The following AUTS2 variants were observed in gnomAD, a reference collection of about 807,000 sequenced individuals.
The protein encoded by AUTS2 is autism susceptibility gene 2 protein.
Under a neutral mutation model 112.4 loss-of-function variants are expected in AUTS2, and 17 were observed. That is an observed-to-expected ratio of 0.15 (90% CI 0.10 to 0.23). AUTS2 has a LOEUF of 0.23. Ranked by LOEUF, AUTS2 falls within the 10% of genes least tolerant of loss-of-function variation. The pLI is 1.00. For missense variants in AUTS2, 1,510 were observed against 1,701.6 expected, an observed-to-expected ratio of 0.89 and a Z score of 1.98; for synonymous variants, 751 against 702.7, an observed-to-expected ratio of 1.07 and a Z score of -1.09.
chr7:70,689,156 A>G (rs373617605), intron 5 of AUTS2, among the ~76,000 whole-genome samples: 1 of 152,196 alleles, frequency 6.6e-6, no homozygotes, highest in East Asian at 1.9e-4. Context: ...CACGAGTTCA[A>G]GACCAGCCTG....
intron 2 of AUTS2, among the ~76,000 whole-genome samples, chr7:69,937,613 C>T (rs1482354511): frequency 6.6e-6 from 1 of 152,176 alleles, no homozygotes; most frequent in African/African-American, 2.4e-5. Context: ...TGGACCTCTT[C>T]CACACTGAGA....
intron 5 of AUTS2, among the ~76,000 whole-genome samples, chr7:70,638,014 T>C (rs1805613708): frequency 6.6e-6 from 1 of 152,152 alleles, no homozygotes; most frequent in African/African-American, 2.4e-5. Flanking sequence ...TCTTGTAACC[T>C]GTATTCCTTC....
intron 1 of AUTS2, among the ~76,000 whole-genome samples, chr7:69,774,285 A>C (rs1245325489): frequency 6.6e-6 from 1 of 152,206 alleles, no homozygotes; most frequent in Non-Finnish European, 1.5e-5. Context: ...CTGTAGTCCC[A>C]GCTACTCAGG....
chr7:70,441,366 T>A (rs1796116399), intron 5 of AUTS2, among the ~76,000 whole-genome samples: 1 of 152,146 alleles, frequency 6.6e-6, no homozygotes, highest in Admixed American at 6.5e-5. Context: ...GCTTTCCCTC[T>A]TTCCACACAC....
At chr7:69,779,445 A>G (rs2129311283) in intron 1 of AUTS2, among the ~76,000 whole-genome samples, 1 of 152,242 alleles carries the variant, frequency 6.6e-6, no homozygotes, top group South Asian at 2.1e-4. Context: ...GTTATGTTCA[A>G]AATAAAGGAG....
intron 5 of AUTS2, among the ~76,000 whole-genome samples, chr7:70,683,619 C>T (rs1808315190): frequency 6.6e-6 from 1 of 152,216 alleles, no homozygotes; most frequent in Admixed American, 6.5e-5. Context: ...TCAAGAAAAG[C>T]TGTAGTTTGG....
chr7:70,524,390 A>G (rs972858036), intron 5 of AUTS2, among the ~76,000 whole-genome samples: 1 of 152,190 alleles, frequency 6.6e-6, no homozygotes. Context: ...AAATAATAAA[A>G]TGAAGGTGGC....
In AUTS2 at chr7:70,431,131, C is replaced by T. The variant is rs540068333; in HGVS notation, c.661-4621C>T. Reference sequence around the variant, plus strand: ...GTATTACAGGCGTGAGCCACCGCGCCCGGCCGTGTCGCCATTTTTTAAAGT... The same window carrying T: ...GTATTACAGGCGTGAGCCACCGCGCTCGGCCGTGTCGCCATTTTTTAAAGT... On this transcript the variant is annotated intron_variant, in intron 4 of 18. Transcript: ENST00000342771. 3.3e-5 allele frequency among the ~76,000 whole-genome samples: 5 copies of T among 152,196 alleles called. No individual in the cohort carries two copies. In the South Asian group the frequency reaches 1.0e-3, roughly 32 times the overall value.
Position 70,220,580 on chromosome 7 carries a change from A to G in AUTS2, c.660+86009A>G, listed in dbSNP as rs190363797. 5.1e-4 allele frequency among the ~76,000 whole-genome samples: 77 copies of G among 152,292 alleles called. 2 individuals carry two copies. Among genetic ancestry groups the G allele is most frequent in the Middle Eastern group, 3.4e-3 (1 of 294 alleles). ...TGCTTTACAAGTTTAAGAGAGAGGG[A>G]AGTCACTTCAGCTGATTTAGGTGAT... On this transcript the variant is annotated intron_variant, in intron 4 of 18. Transcript: ENST00000342771.
intron 4 of AUTS2, among the ~76,000 whole-genome samples, chr7:70,142,266 G>T (rs1213621990): frequency 6.6e-6 from 1 of 152,158 alleles, no homozygotes; most frequent in South Asian, 2.1e-4. Flanking sequence ...GGGAAAAAAT[G>T]ATTTTGGAGA....
intron 5 of AUTS2, among the ~76,000 whole-genome samples, chr7:70,598,886 T>G (rs1224144061): frequency 6.6e-6 from 1 of 152,068 alleles, no homozygotes; most frequent in East Asian, 1.9e-4. Context: ...CCCAGTAAAT[T>G]AGGAACAGAT....
At chr7:69,929,957 G>A (rs1796167225) in intron 2 of AUTS2, among the ~76,000 whole-genome samples, 1 of 152,172 alleles carries the variant, frequency 6.6e-6, no homozygotes, top group African/African-American at 2.4e-5. Flanking sequence ...GTCGCCTTGA[G>A]CTTTGTTCTG....
At chr7:70,039,425 C>T (rs1033449239) in intron 2 of AUTS2, among the ~76,000 whole-genome samples, 10 of 152,052 alleles carry the variant, frequency 6.6e-5, no homozygotes, top group South Asian at 2.1e-4. Context: ...TGCAGTGGCG[C>T]GATCTTGGCT....
At chr7:70,308,557 A>G (rs979262311) in intron 4 of AUTS2, among the ~76,000 whole-genome samples, 6 of 152,226 alleles carry the variant, frequency 3.9e-5, no homozygotes, top group African/African-American at 1.4e-4. Flanking sequence ...GTGATTATAA[A>G]AAAATGTTTA....
intron 6 of AUTS2, among the ~76,000 whole-genome samples, chr7:70,733,109 C>A (rs1308295403): frequency 6.6e-6 from 1 of 152,080 alleles, no homozygotes; most frequent in Non-Finnish European, 1.5e-5. Context: ...CATTTACACC[C>A]TAGATTTTTA....
At chr7:70,602,232 C>A (rs1407297285) in intron 5 of AUTS2, among the ~76,000 whole-genome samples, 3 of 152,178 alleles carry the variant, frequency 2.0e-5, no homozygotes, top group African/African-American at 7.2e-5. Context: ...AGACAGCTAC[C>A]TTAGACTTAT....
At chr7:70,048,078 A>C (rs1039829588) in intron 2 of AUTS2, among the ~76,000 whole-genome samples, 2 of 152,178 alleles carry the variant, frequency 1.3e-5, no homozygotes, top group African/African-American at 2.4e-5. Flanking sequence ...GATGGTATAA[A>C]ATAATAAGCC....
intron 1 of AUTS2, among the ~76,000 whole-genome samples, chr7:69,640,036 G>C (rs1794731535): frequency 6.6e-6 from 1 of 152,144 alleles, no homozygotes; most frequent in Non-Finnish European, 1.5e-5. Flanking sequence ...TAAATTCAAG[G>C]GGAGTTAAAG....
At chr7:70,469,570 G>C (rs950506214) in intron 5 of AUTS2, among the ~76,000 whole-genome samples, 1 of 152,196 alleles carries the variant, frequency 6.6e-6, no homozygotes, top group African/African-American at 2.4e-5. Context: ...TCCTGAGGGA[G>C]AGGGAAGCCA....
Sources: gnomAD v4.1 joint callset for allele counts (sites outside exome capture counted in the v4.1 genomes callset) on GRCh38, gnomAD v4.1.1 for gene constraint, MANE v1.5 for transcripts, NCBI Gene and HGNC (gene_info 2026-07-23, HGNC 2026-07-21) for gene names.